The following MED23 variants were observed in gnomAD, a reference collection of about 807,000 sequenced individuals.
The protein encoded by MED23 is mediator complex subunit 23.
MED23 carries 105 observed loss-of-function variants against 163.9 expected under a neutral mutation model. The ratio of observed to expected loss-of-function variants is 0.64; its 90% CI spans 0.55 to 0.75. The LOEUF is 0.75. MED23 is among the 30% of genes least tolerant of loss of function. The pLI is 0.00. For synonymous variants in MED23, 561 were observed against 565.6 expected, an observed-to-expected ratio of 0.99 and a Z score of 0.12; for missense variants, 1,054 against 1,649.0, an observed-to-expected ratio of 0.64 and a Z score of 6.25.
chr6:131,603,085 G>T lies in MED23; in HGVS notation c.1876C>A (p.His626Asn). Reference sequence around the variant, plus strand: ...GCAACTGCAGCCAAAGTATGAAGATGACTCAGGAGCTGAACTCTGTAATGA... The same window carrying T: ...GCAACTGCAGCCAAAGTATGAAGATTACTCAGGAGCTGAACTCTGTAATGA... ...QPHYRVQLLS[H>N]LHTLAAVAQT... The change falls in exon 16 of 29, where the codon CAT (histidine) becomes AAT (asparagine). Residue 626 changes from histidine (H) to asparagine (N), a missense_variant. Physicochemically the swap from His to Asn is moderately conservative, Grantham distance 68. This residue lies in a region of MED23 where 228 missense variants were observed against 461.3 expected (regional missense o/e 0.49). Transcript: ENST00000368068. The T allele has an allele frequency of 6.2e-7, 1 of 1,613,968 alleles. No individual in the cohort carries two copies. The highest frequency in any genetic ancestry group is 1.1e-5 in the South Asian group (1 of 91,074).
chr6:131,615,967 A>AT lies in MED23; in HGVS notation c.815dup (p.Tyr272Ter). 1 of 1,613,848 alleles carries AT rather than the reference A, an allele frequency of 6.2e-7. No homozygotes were observed. The highest frequency in any genetic ancestry group is 8.5e-7 in the Non-Finnish European group (1 of 1,179,856). ...LFEPQTALLR[Y>*]VLEQPYSRDM... ...CCCTGGAATAAGGCTGCTCCAATAC[A>AT]TATCTCAACAAAGCAGTCTGTGGTT... Residue 272 changes from tyrosine (Y) to a stop codon, truncating the protein, a stop_gained and frameshift_variant, in exon 10 of 29, where the codon TAT becomes TAAT. Transcript: ENST00000368068. LOFTEE classifies it high-confidence loss of function.
At chr6:131,627,270 AATTTT>A in intron 3 of MED23, 121 bp downstream of exon 3, 1 of 760,122 alleles carries the variant, frequency 1.3e-6, no homozygotes, top group Non-Finnish European at 2.2e-6. Flanking sequence ...AAATGATAAC[AATTTT>A]ATTTCTCCCT....
rs1774850415 is a variant in MED23, at chr6:131,593,989, A to T, written c.3232+110T>A. On this transcript the variant is annotated intron_variant, in intron 23 of 28. Coordinates refer to ENST00000368068, the MANE Select transcript of MED23 (RefSeq NM_004830.4). ...GATGAAAATGGAAGTGATCTTAAAA[A>T]AAATTAAAACCTTGAAATACATAAA... 3.2e-6 allele frequency: 3 copies of T among 935,210 alleles called. No individual in the cohort carries two copies. The Admixed American group carries it at 7.1e-5, about 22-fold the overall frequency. 57.9% of individuals were successfully genotyped at this position (935,210 alleles called of 1,614,324 possible).
chr6:131,591,466 G>A lies in MED23; in HGVS notation c.3533C>T (p.Thr1178Met), dbSNP rs909543659. Residue 1178 changes from threonine (T) to methionine (M), a missense_variant, in exon 26 of 29, where the codon ACG (threonine) becomes ATG (methionine). By Grantham distance (81) the Thr-to-Met change is moderately conservative. Coordinates refer to ENST00000368068, the MANE Select transcript of MED23 (RefSeq NM_004830.4). ...ATAGCCAACCCACTCTGTTTCAGAC[G>A]TCAAGCTGGGGCTGCTGATGACACT... The part of the protein sequence containing the change: ...IVSVISSPSL[T>M]SETEWVGYPF... 1.2e-5 allele frequency: 20 copies of A among 1,613,812 alleles called. No individual in the cohort carries two copies. Among genetic ancestry groups the A allele is most frequent in the African/African-American group, 2.7e-5 (2 of 74,926 alleles).
chr6:131,594,622 C>A (rs568720944), intron 22 of MED23, among the ~76,000 whole-genome samples: 1 of 152,226 alleles, frequency 6.6e-6, no homozygotes, highest in African/African-American at 2.4e-5. Context: ...TGACATACAA[C>A]AAGGGATGTC....
chr6:131,610,634 G>A (rs1776214757), intron 10 of MED23, among the ~76,000 whole-genome samples: 1 of 152,162 alleles, frequency 6.6e-6, no homozygotes, highest in South Asian at 2.1e-4. Context: ...GTCAAAAGAT[G>A]AAAACCCTGG....
chr6:131,592,813 C>T (rs1367599188), intron 24 of MED23, 193 bp downstream of exon 24: 2 of 677,104 alleles, frequency 3.0e-6, no homozygotes, highest in Non-Finnish European at 5.0e-6. Flanking sequence ...GGAACAAACC[C>T]GGATCTTAGG....
intron 5 of MED23, 120 bp downstream of exon 5, chr6:131,623,231 A>G (rs898669616): frequency 9.5e-5 from 82 of 860,528 alleles, no homozygotes; most frequent in Non-Finnish European, 1.4e-4. Context: ...ATATACCACA[A>G]GAAATAGACA....
intron 5 of MED23, 61 bp from the exon 6 acceptor site, chr6:131,622,040 G>T: frequency 1.6e-6 from 2 of 1,249,288 alleles, no homozygotes; most frequent in Non-Finnish European, 2.4e-6. Context: ...TAGCTAAAAC[G>T]TCCGAAGGTT....
rs139398917 is a variant in MED23, at chr6:131,589,550, C to G, written c.3854G>C (p.Ser1285Thr). The G allele has an allele frequency of 7.1e-5, 114 of 1,613,700 alleles. No individual in the cohort carries two copies. In the African/African-American group the frequency reaches 1.4e-3, roughly 19 times the overall value. Residue 1285 changes from serine (S) to threonine (T), a missense_variant, in exon 28 of 29, where the codon AGC (serine) becomes ACC (threonine). Ser to Thr is a moderately conservative substitution (Grantham distance 58). Coordinates refer to ENST00000368068, the MANE Select transcript of MED23 (RefSeq NM_004830.4). ...YDMLLNVDQC[S>T]THLNYMDPIC... Reference sequence around the variant, plus strand: ...GGGATCCATGTAATTTAAATGGGTGCTACACTGGTCAACATTCAGCAGCAT... The same window carrying G: ...GGGATCCATGTAATTTAAATGGGTGGTACACTGGTCAACATTCAGCAGCAT...
chr6:131,602,182 C>T, intron 17 of MED23, 36 bp downstream of exon 17: 1 of 1,601,268 alleles, frequency 6.2e-7, no homozygotes, highest in Non-Finnish European at 8.6e-7. Context: ...CACTTTAATT[C>T]ATCTGTTGTT....
At chr6:131,623,899 T>C (rs1777295839) in intron 4 of MED23, among the ~76,000 whole-genome samples, 1 of 152,246 alleles carries the variant, frequency 6.6e-6, no homozygotes, top group Admixed American at 6.5e-5. Flanking sequence ...GTGCACTGTA[T>C]TATATTTATC....
At chr6:131,618,634 T>C in intron 8 of MED23, 115 bp from the exon 9 acceptor site, 1 of 730,130 alleles carries the variant, frequency 1.4e-6, no homozygotes, top group Non-Finnish European at 2.4e-6. Context: ...GGTTTAAAAA[T>C]GGCTTATAAA....
At chr6:131,593,193 A>C (rs1413346023) in intron 23 of MED23, 22 bp from the exon 24 acceptor site, 2 of 1,614,018 alleles carry the variant, frequency 1.2e-6, no homozygotes, top group Non-Finnish European at 1.7e-6. Flanking sequence ...TAAAGCAATA[A>C]CAATTGGACT....
At chr6:131,621,813 G>C in intron 6 of MED23, 68 bp downstream of exon 6, 2 of 1,013,190 alleles carry the variant, frequency 2.0e-6, no homozygotes, top group Non-Finnish European at 2.9e-6. Flanking sequence ...AGTATTAAAA[G>C]CACAGACCTA....
chr6:131,625,172 T>C (rs1372361890), intron 3 of MED23, among the ~76,000 whole-genome samples, 183 bp from the exon 4 acceptor site: 2 of 152,234 alleles, frequency 1.3e-5, no homozygotes, highest in Non-Finnish European at 2.9e-5. Flanking sequence ...TTTGTCACAT[T>C]AAGCTTAACA....
At chr6:131,611,726 G>A (rs1346994481) in intron 10 of MED23, among the ~76,000 whole-genome samples, 1 of 152,056 alleles carries the variant, frequency 6.6e-6, no homozygotes, top group East Asian at 1.9e-4. Flanking sequence ...GTAAAGCCAG[G>A]ATTTCCAGTA....
In MED23 at chr6:131,625,340, T is replaced by C. The variant is rs1188193614; in HGVS notation, c.160-351A>G. Among the ~76,000 whole-genome samples the C allele has an allele frequency of 3.3e-5, 5 of 152,206 alleles. No individual in the cohort carries two copies. The South Asian group carries it at 1.0e-3, about 31-fold the overall frequency. On this transcript the variant is annotated intron_variant, in intron 3 of 28. Coordinates refer to ENST00000368068, the MANE Select transcript of MED23 (RefSeq NM_004830.4). ...TGCCCTTTATGGCATATATAAATAT[T>C]ACTGTCACTGGGGGTAAAATTCATT...
chr6:131,624,196 G>A (rs1482784457), intron 4 of MED23, among the ~76,000 whole-genome samples: 2 of 152,170 alleles, frequency 1.3e-5, no homozygotes, highest in Non-Finnish European at 2.9e-5. Flanking sequence ...GAGGTAGGGG[G>A]AAAGTCTACG....
Sources: gnomAD v4.1 joint callset for allele counts (sites outside exome capture counted in the v4.1 genomes callset) on GRCh38, gnomAD v4.1.1 for gene constraint, gnomAD v4.1.1 regional missense constraint, MANE v1.5 for transcripts, NCBI Gene and HGNC (gene_info 2026-07-23, HGNC 2026-07-21) for gene names.